Variants in EFHC1 observed in about 807,000 individuals in gnomAD.
EFHC1 encodes the protein EF-hand domain-containing protein 1.
EFHC1 carries 53 observed loss-of-function variants against 69.9 expected under a neutral mutation model. The ratio of observed to expected loss-of-function variants is 0.76; its 90% CI spans 0.61 to 0.95. The LOEUF is 0.95. Among genes scored for constraint, EFHC1 ranks in the 40% least tolerant of loss-of-function variants. EFHC1 has a pLI of 0.00. For missense variants in EFHC1, 739 were observed against 798.7 expected (o/e 0.93, Z 0.90); for synonymous variants, 256 against 278.4 (o/e 0.92, Z 0.80).
chr6:52,494,582 T>C lies in EFHC1; in HGVS notation c.*2241T>C, dbSNP rs1027239718. The C allele has an allele frequency of 1.1e-5, 5 of 453,986 alleles. No homozygotes were observed. Among genetic ancestry groups the C allele is most frequent in the Admixed American group, 9.4e-5 (4 of 42,558 alleles). 28.1% of individuals were successfully genotyped at this position (453,986 alleles called of 1,614,324 possible). On this transcript the variant is annotated 3_prime_UTR_variant, in exon 11 of 11. Coordinates refer to ENST00000371068, the MANE Select transcript of EFHC1 (RefSeq NM_018100.4). ...GGCTGACTCTTTCTCCCAGAGCACC[T>C]TTTCTCTCTTTTTGGATTCAGGGGG...
intron 2 of EFHC1, among the ~76,000 whole-genome samples, chr6:52,429,383 G>A (rs770583900): frequency 1.5e-4 from 23 of 152,096 alleles, no homozygotes; most frequent in Non-Finnish European, 3.2e-4. Context: ...GGTGAGAGAT[G>A]AGGATCCAGT....
chr6:52,485,342 TTTAAG>T (rs1316923871), intron 9 of EFHC1: 1 of 152,220 alleles, frequency 6.6e-6, no homozygotes, highest in Non-Finnish European at 1.5e-5. Flanking sequence ...AATTTAGTAA[TTTAAG>T]TTTTTTAAAA....
Position 52,494,352 on chromosome 6 carries a change from C to G in EFHC1, c.*2011C>G. ...GCCTGTGGTAAAGAGTGTGTGTATA[C>G]TGGGGTGATGATAGTGGTTTCTTCT... On this transcript the variant is annotated 3_prime_UTR_variant, in exon 11 of 11. Transcript: ENST00000371068. The G allele has an allele frequency of 2.2e-6, 1 of 454,082 alleles. No individual in the cohort carries two copies. The highest frequency in any genetic ancestry group is 6.9e-5 in the East Asian group (1 of 14,402). 28.1% of individuals were successfully genotyped at this position (454,082 alleles called of 1,614,324 possible).
chr6:52,447,094 T>C (rs1462275487), intron 3 of EFHC1, among the ~76,000 whole-genome samples: 3 of 152,234 alleles, frequency 2.0e-5, no homozygotes, highest in Non-Finnish European at 4.4e-5. Flanking sequence ...ATTTCCTGAA[T>C]TTGAATGTTA....
intron 2 of EFHC1, among the ~76,000 whole-genome samples, chr6:52,437,403 T>G (rs1764557416): frequency 6.6e-6 from 1 of 152,208 alleles, no homozygotes; most frequent in African/African-American, 2.4e-5. Flanking sequence ...AAATAGTTTA[T>G]ACACATTGTG....
chr6:52,420,566 A>G, intron 1 of EFHC1, 93 bp downstream of exon 1: 2 of 1,454,314 alleles, frequency 1.4e-6, no homozygotes, highest in Non-Finnish European at 1.9e-6. Flanking sequence ...CCCTCCACTC[A>G]AGTCTGTCTT....
At chr6:52,423,681 TTTTAG>T in intron 1 of EFHC1, 4 of 433,990 alleles carry the variant, frequency 9.2e-6, no homozygotes, top group Non-Finnish European at 1.2e-5. Context: ...TTTTTTTTTT[TTTTAG>T]TTTTTGTAGA....
At chr6:52,479,346 T>A (rs1425834609) in intron 8 of EFHC1, 96 bp downstream of exon 8, 1 of 1,330,886 alleles carries the variant, frequency 7.5e-7, no homozygotes, top group Non-Finnish European at 1.1e-6. Flanking sequence ...GCAATTAGAT[T>A]GTATTGCAAC....
intron 2 of EFHC1, among the ~76,000 whole-genome samples, chr6:52,435,124 C>G (rs1764502782): frequency 6.6e-6 from 1 of 152,102 alleles, no homozygotes; most frequent in African/African-American, 2.4e-5. Context: ...TTGAAATGTC[C>G]TCTTTATGAT....
At chr6:52,465,304 G>T (rs1297345922) in intron 6 of EFHC1, among the ~76,000 whole-genome samples, 189 bp downstream of exon 6, 1 of 152,110 alleles carries the variant, frequency 6.6e-6, no homozygotes, top group Non-Finnish European at 1.5e-5. Context: ...CTGATAATCA[G>T]TGAAATAGAA....
intron 2 of EFHC1, among the ~76,000 whole-genome samples, chr6:52,436,253 T>C (rs954615614): frequency 2.0e-5 from 3 of 152,216 alleles, no homozygotes; most frequent in Non-Finnish European, 2.9e-5. Context: ...ACTGCACTTA[T>C]CCATTTTATC....
rs1180113408 is a variant in EFHC1, at chr6:52,494,855, T to C, written c.*2514T>C. The C allele has an allele frequency of 2.2e-6, 1 of 452,060 alleles. No individual in the cohort carries two copies. Among genetic ancestry groups the C allele is most frequent in the East Asian group, 7.0e-5 (1 of 14,338 alleles). 28.0% of individuals were successfully genotyped at this position (452,060 alleles called of 1,614,324 possible). On this transcript the variant is annotated 3_prime_UTR_variant, in exon 11 of 11. Transcript: ENST00000371068. Reference sequence around the variant, plus strand: ...GGATAATGGCCTCCAGCTGCATCCATGTTGCTGCAGAATACATGATTTCAT... The same window carrying C: ...GGATAATGGCCTCCAGCTGCATCCACGTTGCTGCAGAATACATGATTTCAT...
intron 3 of EFHC1, among the ~76,000 whole-genome samples, chr6:52,440,539 T>C (rs1033943451): frequency 6.6e-6 from 1 of 152,170 alleles, no homozygotes; most frequent in African/African-American, 2.4e-5. Context: ...TTACCATTGA[T>C]GGGCATTCAG....
chr6:52,481,532 CTCT>C (rs1230948454), intron 9 of EFHC1: 1 of 151,558 alleles, frequency 6.6e-6, no homozygotes, highest in Non-Finnish European at 1.5e-5. Context: ...CTCTCTCTCT[CTCT>C]CTCTCGACAG....
chr6:52,420,968 C>T (rs1303057777), intron 1 of EFHC1: 7 of 1,042,224 alleles, frequency 6.7e-6, no homozygotes, highest in African/African-American at 1.7e-5. Context: ...TCCCGCCCCA[C>T]CTCTTCCTCT....
intron 1 of EFHC1, among the ~76,000 whole-genome samples, chr6:52,423,063 A>G (rs1014951465): frequency 2.6e-5 from 4 of 152,246 alleles, no homozygotes; most frequent in African/African-American, 9.6e-5. Flanking sequence ...CTTCAGGCAT[A>G]TAGTTCTTTC....
chr6:52,487,638 C>CT (rs1419061095), intron 9 of EFHC1: 1 of 152,208 alleles, frequency 6.6e-6, no homozygotes, highest in East Asian at 1.9e-4. Flanking sequence ...AAGTGGAGGA[C>CT]TTTGCCAGGA....
At chr6:52,454,956 G>C (rs917296513) in intron 5 of EFHC1, among the ~76,000 whole-genome samples, 8 of 152,098 alleles carry the variant, frequency 5.3e-5, no homozygotes, top group Admixed American at 3.9e-4. Context: ...GCCATGCTTG[G>C]TGCCGCACAC....
At chr6:52,422,339 C>A (rs1381644332) in intron 1 of EFHC1, among the ~76,000 whole-genome samples, 1 of 152,132 alleles carries the variant, frequency 6.6e-6, no homozygotes, top group Non-Finnish European at 1.5e-5. Context: ...ATAAATTACC[C>A]AATGAGGATG....
Sources: gnomAD v4.1 joint callset for allele counts (sites outside exome capture counted in the v4.1 genomes callset) on GRCh38, gnomAD v4.1.1 for gene constraint, MANE v1.5 for transcripts, NCBI Gene and HGNC (gene_info 2026-07-23, HGNC 2026-07-21) for gene names.